STAC2: variants seen among roughly 807,000 people sequenced by gnomAD.
STAC2 encodes the protein SH3 and cysteine-rich domain-containing protein 2.
STAC2 carries 36 observed loss-of-function variants against 49.0 expected under a neutral mutation model. That is an observed-to-expected ratio of 0.74 (90% CI 0.56 to 0.97). The LOEUF (loss-of-function observed/expected upper bound fraction) is 0.97, where lower values mean the gene tolerates loss of function less well. STAC2 is among the 50% of genes least tolerant of loss of function. The pLI is 0.00. For synonymous variants in STAC2, 239 were observed against 214.7 expected, an observed-to-expected ratio of 1.11 and a Z score of -0.99; for missense variants, 527 against 543.8, an observed-to-expected ratio of 0.97 and a Z score of 0.31.
At chr17:39,220,400 A>T (rs1278163614) in intron 1 of STAC2, among the ~76,000 whole-genome samples, 2 of 151,700 alleles carry the variant, frequency 1.3e-5, no homozygotes, top group East Asian at 3.9e-4. Context: ...GCAAAACTAA[A>T]CCTACTGCCT....
intron 1 of STAC2, among the ~76,000 whole-genome samples, chr17:39,222,294 A>T (rs2144260792): frequency 6.6e-6 from 1 of 152,266 alleles, no homozygotes; most frequent in Non-Finnish European, 1.5e-5. Flanking sequence ...TAGGTACCGG[A>T]GGCCTCTGGA....
In STAC2 at chr17:39,225,901, C is replaced by T. The variant is rs1467164635; in HGVS notation, c.-399G>A. 4.4e-6 allele frequency: 1 copy of T among 228,494 alleles called. No homozygotes were observed. The highest frequency in any genetic ancestry group is 8.7e-6 in the Non-Finnish European group (1 of 115,482). 14.2% of individuals were successfully genotyped at this position (228,494 alleles called of 1,614,324 possible). On this transcript the variant is annotated 5_prime_UTR_variant, in exon 1 of 11. Transcript: ENST00000333461. The surrounding 1 kb of genome is among the most constrained non-coding windows in gnomAD (Gnocchi z 8.2). ...CTCCCCTCCCCCGCCGGCCCCAGCC[C>T]GGCACCCGGCGGCCCCTCCGCCCAG...
intron 10 of STAC2, 92 bp downstream of exon 10, chr17:39,212,903 C>A: frequency 6.5e-7 from 1 of 1,542,996 alleles, no homozygotes; most frequent in Non-Finnish European, 8.7e-7. Flanking sequence ...TCAGCCTCCT[C>A]CTGCAGAGCA....
rs1334169472 is a variant in STAC2, at chr17:39,214,372, C to T, written c.844-42G>A. 3 of 1,612,002 alleles carry T rather than the reference C, an allele frequency of 1.9e-6. No individual in the cohort carries two copies. In the South Asian group the frequency reaches 3.3e-5, roughly 18 times the overall value. ...GGGTCGGTGACCGGAAAGCAGCACCCTCACTCCCCCCACTCTCCACTCGCT... is the reference window on the plus strand; with the variant it reads ...GGGTCGGTGACCGGAAAGCAGCACCTTCACTCCCCCCACTCTCCACTCGCT... On this transcript the variant is annotated intron_variant, in intron 7 of 10. Transcript: ENST00000333461.
chr17:39,225,294 C>T lies in STAC2; in HGVS notation c.90+119G>A. The T allele has an allele frequency of 7.7e-6, 6 of 783,316 alleles. No homozygotes were observed. The highest frequency in any genetic ancestry group is 5.6e-5 in the South Asian group (3 of 53,182). 48.5% of individuals were successfully genotyped at this position (783,316 alleles called of 1,614,324 possible). ...TACCCCCGGGAGCGGCGCGGAGCCTCAGTGGTCACGCGGGCCTCGCGACCG... is the reference window on the plus strand; with the variant it reads ...TACCCCCGGGAGCGGCGCGGAGCCTTAGTGGTCACGCGGGCCTCGCGACCG... On this transcript the variant is annotated intron_variant, in intron 1 of 10. Transcript: ENST00000333461. The surrounding 1 kb of genome is among the most constrained non-coding windows in gnomAD (Gnocchi z 8.2).
chr17:39,224,636 T>C (rs1460797459), intron 1 of STAC2, among the ~76,000 whole-genome samples: 1 of 152,210 alleles, frequency 6.6e-6, no homozygotes, highest in Non-Finnish European at 1.5e-5. Context: ...TTAGGGTTAA[T>C]GATGACATTC....
At chr17:39,215,096 C>T in intron 5 of STAC2, 22 bp downstream of exon 5, 1 of 1,614,018 alleles carries the variant, frequency 6.2e-7, no homozygotes. Context: ...CCCAAAAGAC[C>T]CCCCCTTTTT....
At chr17:39,218,631 CT>C (rs1394734458) in intron 1 of STAC2, among the ~76,000 whole-genome samples, 3 of 151,980 alleles carry the variant, frequency 2.0e-5, no homozygotes, top group African/African-American at 4.8e-5. Context: ...CTGTGCCTTG[CT>C]TTTTTTCATA....
chr17:39,214,084 C>G, intron 8 of STAC2, 149 bp downstream of exon 8: 1 of 823,380 alleles, frequency 1.2e-6, no homozygotes, highest in Non-Finnish European at 1.9e-6. Flanking sequence ...TAGCATGAGT[C>G]ACTCTTAGAC....
At chr17:39,223,969 AG>A (rs2046486219) in intron 1 of STAC2, among the ~76,000 whole-genome samples, 1 of 152,122 alleles carries the variant, frequency 6.6e-6, no homozygotes, top group Non-Finnish European at 1.5e-5. Context: ...CTCACAGACC[AG>A]AGTCTCATTT....
At chr17:39,216,768 A>G (rs2046405958) in intron 4 of STAC2, 42 bp downstream of exon 4, 1 of 1,528,672 alleles carries the variant, frequency 6.5e-7, no homozygotes, top group Non-Finnish European at 8.9e-7. Context: ...TTCTCATCCC[A>G]CCACAATGGG....
chr17:39,223,973 T>C (rs1382215970), intron 1 of STAC2, among the ~76,000 whole-genome samples: 2 of 151,760 alleles, frequency 1.3e-5, no homozygotes, highest in East Asian at 3.9e-4. Flanking sequence ...CAGACCAGAG[T>C]CTCATTTTTA....
chr17:39,213,398 G>A, intron 9 of STAC2, 109 bp downstream of exon 9: 1 of 1,397,038 alleles, frequency 7.2e-7, no homozygotes, highest in Non-Finnish European at 9.9e-7. Context: ...GTGGTTGGAG[G>A]AGAGGTTGTC....
At chr17:39,214,747 G>T in intron 7 of STAC2, 44 bp downstream of exon 7, 1 of 1,603,224 alleles carries the variant, frequency 6.2e-7, no homozygotes, top group South Asian at 1.1e-5. Context: ...AATTACACCC[G>T]CTTCCCACCC....
chr17:39,224,666 C>T (rs1805269093), intron 1 of STAC2, among the ~76,000 whole-genome samples: 1 of 152,228 alleles, frequency 6.6e-6, no homozygotes, highest in Admixed American at 6.5e-5. Context: ...GATGACTTCT[C>T]TTTTTGCTTC....
chr17:39,214,411 C>G, intron 7 of STAC2, 81 bp from the exon 8 acceptor site: 1 of 1,591,404 alleles, frequency 6.3e-7, no homozygotes, highest in Admixed American at 1.7e-5. Flanking sequence ...AGTGTGCTAC[C>G]CTGGGGGCTG....
Position 39,217,099 on chromosome 17 carries a change from G to C in STAC2, c.472C>G (p.His158Asp). ...VHLWCSEEIS[H>D]QQCPGKTSTS... ...ACCGTCTTGCCTGGGCATTGCTGGT[G>C]GGAGATCTCCTCAGAGCACCAGAGG... Residue 158 changes from histidine (H) to aspartate (D), a missense_variant, in exon 3 of 11, where the codon CAC becomes GAC. By Grantham distance (81) the His-to-Asp change is moderately conservative. Transcript: ENST00000333461. 2 of 1,613,986 alleles carry C rather than the reference G, an allele frequency of 1.2e-6. 1 individual carries two copies. The highest frequency in any genetic ancestry group is 3.3e-4 in the Middle Eastern group (2 of 6,062).
At chr17:39,212,845 G>A in intron 10 of STAC2, 150 bp downstream of exon 10, 1 of 1,293,186 alleles carries the variant, frequency 7.7e-7, no homozygotes, top group Non-Finnish European at 1.0e-6. Context: ...TGGTAGGAGG[G>A]CCCTGCAACC....
chr17:39,222,956 CA>C (rs1411779951), intron 1 of STAC2, among the ~76,000 whole-genome samples: 7 of 152,156 alleles, frequency 4.6e-5, no homozygotes, highest in Non-Finnish European at 8.8e-5. Context: ...GTGGTCCTCC[CA>C]GGGGTGGCAA....
Sources: allele counts gnomAD v4.1 joint callset (sites outside exome capture counted in the v4.1 genomes callset), GRCh38; gene constraint gnomAD v4.1.1; non-coding constraint Gnocchi (gnomAD v3.1); transcripts MANE v1.5; gene names NCBI Gene and HGNC (gene_info 2026-07-23, HGNC 2026-07-21).